The following SNX9 variants were observed in gnomAD, a reference collection of about 807,000 sequenced individuals.
SNX9 encodes sorting nexin-9.
A neutral mutation model predicts 89.4 loss-of-function variants in SNX9; 44 were observed. The observed-to-expected ratio is 0.49, with a 90% CI of 0.39 to 0.63. The LOEUF (loss-of-function observed/expected upper bound fraction) is 0.63. Ranked by LOEUF, SNX9 falls within the 30% of genes least tolerant of loss-of-function variation. SNX9 has a pLI of 0.00. For synonymous variants in SNX9, 236 were observed against 247.8 expected (o/e 0.95, Z 0.45); for missense variants, 578 against 736.1 (o/e 0.79, Z 2.49).
At chr6:157,918,203 G>T (rs1256446388) in intron 9 of SNX9, among the ~76,000 whole-genome samples, 1 of 152,040 alleles carries the variant, frequency 6.6e-6, no homozygotes, top group African/African-American at 2.4e-5. Context: ...TGAGTATCGG[G>T]TATTGAAATT....
intron 9 of SNX9, among the ~76,000 whole-genome samples, chr6:157,913,768 T>C (rs1222802893): frequency 6.6e-6 from 1 of 152,222 alleles, no homozygotes; most frequent in Non-Finnish European, 1.5e-5. Context: ...GTCTTTCGAG[T>C]CTGACTGCTT....
chr6:157,835,107 G>A (rs1186916155), intron 1 of SNX9, among the ~76,000 whole-genome samples: 1 of 151,838 alleles, frequency 6.6e-6, no homozygotes, highest in African/African-American at 2.4e-5. Context: ...CCACCTCCTG[G>A]GTTCAAGCAG....
At chr6:157,835,552 T>C (rs1781566750) in intron 1 of SNX9, among the ~76,000 whole-genome samples, 1 of 151,820 alleles carries the variant, frequency 6.6e-6, no homozygotes, top group Non-Finnish European at 1.5e-5. Context: ...ATCTGTGATA[T>C]GGTTAGGCTT....
At position 157,932,196 on chromosome 6, in the gene SNX9, A is replaced by T; in HGVS notation, c.1290A>T (p.Pro430=). Residue 430 remains proline (P), a splice_region_variant and synonymous_variant, in exon 13 of 18, where the codon CCA becomes CCT. Coordinates refer to ENST00000392185, the MANE Select transcript of SNX9 (RefSeq NM_016224.5). ...CGTTTATTCCTTTTTGTCTTTCAGCATTACCCAAGGAATATCAGAAGATAG... is the reference window on the plus strand; with the variant it reads ...CGTTTATTCCTTTTTGTCTTTCAGCTTTACCCAAGGAATATCAGAAGATAG... The part of the protein sequence containing the change: ...GQEHWKRCTG[P]LPKEYQKIGK... 1 of 1,614,088 alleles carries T rather than the reference A, an allele frequency of 6.2e-7. No homozygotes were observed.
intron 14 of SNX9, among the ~76,000 whole-genome samples, chr6:157,936,769 G>A (rs1334777225): frequency 6.6e-6 from 1 of 152,194 alleles, no homozygotes; most frequent in Non-Finnish European, 1.5e-5. Context: ...CCTTGTCATA[G>A]CTACATAGCT....
chr6:157,873,302 G>A, intron 3 of SNX9, 126 bp downstream of exon 3: 4 of 534,228 alleles, frequency 7.5e-6, no homozygotes, highest in Non-Finnish European at 9.1e-6. Flanking sequence ...TATAATAAAT[G>A]TTAACTATAT....
At chr6:157,826,369 G>T (rs1285589260) in intron 1 of SNX9, among the ~76,000 whole-genome samples, 2 of 151,692 alleles carry the variant, frequency 1.3e-5, no homozygotes, top group African/African-American at 4.8e-5. Context: ...GCGTGGTGGC[G>T]GGCGCCTGTA....
intron 15 of SNX9, 34 bp from the exon 16 acceptor site, chr6:157,938,599 C>G: frequency 7.2e-7 from 1 of 1,396,934 alleles, no homozygotes; most frequent in Non-Finnish European, 1.0e-6. Flanking sequence ...ATCATTTCAG[C>G]TTTATTCATA....
chr6:157,875,264 G>A (rs571448960), intron 4 of SNX9, 88 bp downstream of exon 4: 2 of 1,456,042 alleles, frequency 1.4e-6, no homozygotes, highest in East Asian at 2.5e-5. Flanking sequence ...TATAGCTATT[G>A]CCATTCCCCA....
chr6:157,864,223 A>C (rs998502092), intron 1 of SNX9, among the ~76,000 whole-genome samples: 1 of 152,092 alleles, frequency 6.6e-6, no homozygotes, highest in Admixed American at 6.5e-5. Context: ...CAGACGGGTG[A>C]GCGAGAGTAA....
intron 5 of SNX9, among the ~76,000 whole-genome samples, chr6:157,898,106 G>A (rs768131025): frequency 3.9e-5 from 6 of 152,136 alleles, no homozygotes; most frequent in Admixed American, 2.6e-4. Flanking sequence ...GCTCTGTGCC[G>A]GGAACTAGGG....
At chr6:157,932,435 T>G (rs569592209) in intron 13 of SNX9, among the ~76,000 whole-genome samples, 163 bp downstream of exon 13, 32 of 152,242 alleles carry the variant, frequency 2.1e-4, no homozygotes, top group Non-Finnish European at 3.8e-4. Context: ...ACCCTCATCC[T>G]AGGACTTTTG....
chr6:157,869,524 A>G (rs978312166), intron 2 of SNX9, among the ~76,000 whole-genome samples: 1 of 152,058 alleles, frequency 6.6e-6, no homozygotes, highest in African/African-American at 2.4e-5. Context: ...ACTTAAAGCC[A>G]TTGGTTTCTC....
intron 4 of SNX9, among the ~76,000 whole-genome samples, chr6:157,890,644 A>G (rs1782838705): frequency 6.6e-6 from 1 of 152,172 alleles, no homozygotes; most frequent in South Asian, 2.1e-4. Flanking sequence ...CATTCAACAG[A>G]TACTTAATTT....
chr6:157,840,310 A>C (rs1367453711), intron 1 of SNX9, among the ~76,000 whole-genome samples: 1 of 152,226 alleles, frequency 6.6e-6, no homozygotes, highest in African/African-American at 2.4e-5. Context: ...CAGGCTGAGG[A>C]GGCCCAGGCG....
chr6:157,926,080 G>A (rs1783685904), intron 10 of SNX9, among the ~76,000 whole-genome samples: 1 of 152,140 alleles, frequency 6.6e-6, no homozygotes, highest in Non-Finnish European at 1.5e-5. Flanking sequence ...CTTCTTAAAG[G>A]CCCCACCTCT....
intron 1 of SNX9, among the ~76,000 whole-genome samples, chr6:157,866,132 C>T (rs1014396403): frequency 5.9e-5 from 9 of 152,142 alleles, no homozygotes; most frequent in Admixed American, 2.6e-4. Context: ...GTTTTTACCA[C>T]GGTGATTCTC....
At chr6:157,860,343 C>G (rs2115128859) in intron 1 of SNX9, among the ~76,000 whole-genome samples, 1 of 152,298 alleles carries the variant, frequency 6.6e-6, no homozygotes, top group African/African-American at 2.4e-5. Flanking sequence ...GAGTTCAAGG[C>G]TGCAGTGAGC....
At chr6:157,824,454 C>T (rs3805755) in intron 1 of SNX9, among the ~76,000 whole-genome samples, 7,635 of 152,196 alleles carry the variant, frequency 0.05, 218 homozygotes, top group East Asian at 0.11. Flanking sequence ...AGCATCAGCA[C>T]CCCTTTGTCT....
Sources: gnomAD v4.1 joint callset for allele counts (sites outside exome capture counted in the v4.1 genomes callset) on GRCh38, gnomAD v4.1.1 for gene constraint, MANE v1.5 for transcripts, NCBI Gene and HGNC (gene_info 2026-07-23, HGNC 2026-07-21) for gene names.